NT5C2: variants seen among roughly 807,000 people sequenced by gnomAD.
NT5C2 encodes the protein cytosolic purine 5'-nucleotidase.
NT5C2 carries 58 observed loss-of-function variants against 76.1 expected under a neutral mutation model. That is an observed-to-expected ratio of 0.76 (90% CI 0.62 to 0.95). The LOEUF is 0.95. NT5C2 is among the 40% of genes least tolerant of loss of function. The probability of loss-of-function intolerance (pLI) is 0.00; values close to 1 mark genes in which losing one functional copy is unlikely to be tolerated. For synonymous variants in NT5C2, 229 were observed against 237.4 expected, an observed-to-expected ratio of 0.96 and a Z score of 0.32; for missense variants, 478 against 690.3, an observed-to-expected ratio of 0.69 and a Z score of 3.45.
chr10:103,098,299 A>AT (rs1049642227), intron 10 of NT5C2: 6 of 256,656 alleles, frequency 2.3e-5, no homozygotes, highest in South Asian at 1.6e-4. Flanking sequence ...TTAACCACAG[A>AT]TTTTTTAAAA....
At chr10:103,103,577 C>G (rs2070377041) in intron 6 of NT5C2, among the ~76,000 whole-genome samples, 1 of 151,960 alleles carries the variant, frequency 6.6e-6, no homozygotes, top group Non-Finnish European at 1.5e-5. Context: ...TCAAATCACA[C>G]TAGTATATAT....
At chr10:103,115,660 C>A (rs1328920971) in intron 4 of NT5C2, among the ~76,000 whole-genome samples, 2 of 152,036 alleles carry the variant, frequency 1.3e-5, no homozygotes, top group Non-Finnish European at 2.9e-5. Context: ...TAGAAACAAA[C>A]CAAGTATTAC....
In NT5C2 at chr10:103,174,937, G is replaced by C. The variant is rs762409585; in HGVS notation, c.22C>G (p.Arg8Gly). 2 of 1,610,208 alleles carry C rather than the reference G, an allele frequency of 1.2e-6. No homozygotes were observed. The highest frequency in any genetic ancestry group is 2.2e-5 in the South Asian group (2 of 90,990). MSTSWSD[R>G]LQNAADMPAN... ...GGCATATCTGCTGCATTCTGTAACCGATCACTCCAGGAGGTTGACATTTTA... is the reference window on the plus strand; with the variant it reads ...GGCATATCTGCTGCATTCTGTAACCCATCACTCCAGGAGGTTGACATTTTA... Residue 8 changes from arginine to glycine, a missense_variant, in exon 3 of 19, where the codon CGG becomes GGG. By Grantham distance (125) the Arg-to-Gly change is moderately radical. Transcript: ENST00000404739.
chr10:103,186,577 C>G (rs1384944392), intron 1 of NT5C2, among the ~76,000 whole-genome samples: 1 of 152,140 alleles, frequency 6.6e-6, no homozygotes, highest in African/African-American at 2.4e-5. Flanking sequence ...TTTATTTCAC[C>G]AAACCTACTT....
At chr10:103,102,106 A>C (rs1325946988) in intron 6 of NT5C2, among the ~76,000 whole-genome samples, 1 of 152,170 alleles carries the variant, frequency 6.6e-6, no homozygotes, top group Non-Finnish European at 1.5e-5. Context: ...GGGGAAAGAC[A>C]ATGTGATGCA....
At chr10:103,107,580 G>GGA (rs1038540751) in intron 4 of NT5C2, among the ~76,000 whole-genome samples, 1 of 152,046 alleles carries the variant, frequency 6.6e-6, no homozygotes, top group Admixed American at 6.5e-5. Context: ...GGCTGAGGTG[G>GGA]GAGAATCGCT....
At chr10:103,124,200 T>C (rs1449658994) in intron 4 of NT5C2, among the ~76,000 whole-genome samples, 1 of 147,350 alleles carries the variant, frequency 6.8e-6, no homozygotes, top group Non-Finnish European at 1.5e-5. Flanking sequence ...ATGACACCTC[T>C]GTCATAAAGA....
At chr10:103,164,115 T>C (rs1402386209) in intron 3 of NT5C2, among the ~76,000 whole-genome samples, 1 of 152,050 alleles carries the variant, frequency 6.6e-6, no homozygotes, top group South Asian at 2.1e-4. Context: ...TGTGGTGGTG[T>C]GCTCCTGTAT....
At chr10:103,129,093 C>T (rs1373900881) in intron 4 of NT5C2, among the ~76,000 whole-genome samples, 3 of 129,222 alleles carry the variant, frequency 2.3e-5, no homozygotes, top group Admixed American at 7.2e-5. Flanking sequence ...CAGCCCCCCA[C>T]CTGGCCAGCC....
intron 6 of NT5C2, among the ~76,000 whole-genome samples, chr10:103,103,277 A>T (rs939385270): frequency 6.6e-6 from 1 of 152,162 alleles, no homozygotes; most frequent in African/African-American, 2.4e-5. Context: ...GTCTTAAGTC[A>T]CTCTTCTGAG....
chr10:103,140,636 A>C (rs1329277481), intron 3 of NT5C2, among the ~76,000 whole-genome samples: 1 of 152,190 alleles, frequency 6.6e-6, no homozygotes, highest in African/African-American at 2.4e-5. Flanking sequence ...GGCTGCATCA[A>C]TTTACATTGC....
intron 1 of NT5C2, among the ~76,000 whole-genome samples, chr10:103,190,403 T>C (rs2092547562): frequency 6.6e-6 from 1 of 152,178 alleles, no homozygotes; most frequent in African/African-American, 2.4e-5. Flanking sequence ...CAGCATCTTC[T>C]CCCTACTCTG....
chr10:103,110,865 A>G (rs1441846171), intron 4 of NT5C2, among the ~76,000 whole-genome samples: 2 of 152,218 alleles, frequency 1.3e-5, no homozygotes, highest in African/African-American at 4.8e-5. Context: ...ATGAATTTAG[A>G]TGTTTTATTC....
rs915289504 is a variant in NT5C2 at position 103,088,541 on chromosome 10, C to G, written c.*1131G>C. 2.0e-5 allele frequency: 3 copies of G among 152,682 alleles called. No individual in the cohort carries two copies. Among genetic ancestry groups the G allele is most frequent in the Non-Finnish European group, 4.4e-5 (3 of 68,306 alleles). The allele number at this position is 152,682 out of a possible 1,614,324, so 9.5% of individuals were successfully genotyped here. A position where few individuals can be genotyped will look rare whatever the true frequency, so the allele number is the denominator to read the frequency against. Reference sequence around the variant, plus strand: ...ATGATGGGATTACAGGCATGCACCACCACGCCCAGGTAATTTTGTATTTTT... The same window carrying G: ...ATGATGGGATTACAGGCATGCACCAGCACGCCCAGGTAATTTTGTATTTTT... On this transcript the variant is annotated 3_prime_UTR_variant, in exon 19 of 19. Transcript: ENST00000404739.
chr10:103,150,216 A>G (rs1273037962), intron 3 of NT5C2, among the ~76,000 whole-genome samples: 1 of 152,182 alleles, frequency 6.6e-6, no homozygotes, highest in Non-Finnish European at 1.5e-5. Flanking sequence ...TTCTTTTGCA[A>G]TACCCTCCCC....
At chr10:103,126,876 A>G (rs2135886519) in intron 4 of NT5C2, among the ~76,000 whole-genome samples, 1 of 152,268 alleles carries the variant, frequency 6.6e-6, no homozygotes, top group South Asian at 2.1e-4. Flanking sequence ...CAGTGGCATG[A>G]CCACAGCTCA....
At chr10:103,093,468 T>C (rs1313962706) in intron 14 of NT5C2, among the ~76,000 whole-genome samples, 159 bp from the exon 15 acceptor site, 2 of 152,328 alleles carry the variant, frequency 1.3e-5, no homozygotes, top group Non-Finnish European at 1.5e-5. Context: ...TACTGCCTTC[T>C]AAGACAAGGC....
At chr10:103,099,876 A>G (rs756214316) in intron 9 of NT5C2, 50 bp downstream of exon 9, 31 of 1,191,504 alleles carry the variant, frequency 2.6e-5, no homozygotes, top group Middle Eastern at 1.9e-4. Context: ...ATGCCACGCC[A>G]TAAAATACAT....
intron 4 of NT5C2, among the ~76,000 whole-genome samples, chr10:103,134,117 G>C (rs534012788): frequency 4.6e-5 from 7 of 152,264 alleles, no homozygotes; most frequent in Admixed American, 2.0e-4. Context: ...CAATGCAATA[G>C]AAAAGAAAAC....
Sources: allele counts gnomAD v4.1 joint callset (sites outside exome capture counted in the v4.1 genomes callset), GRCh38; gene constraint gnomAD v4.1.1; transcripts MANE v1.5; gene names NCBI Gene and HGNC (gene_info 2026-07-23, HGNC 2026-07-21).